The following MACROD2 variants were observed in gnomAD, a reference collection of about 807,000 sequenced individuals.
The protein encoded by MACROD2 is ADP-ribose glycohydrolase MACROD2.
MACROD2 carries 36 observed loss-of-function variants against 70.4 expected under a neutral mutation model. The ratio of observed to expected loss-of-function variants is 0.51; its 90% CI spans 0.39 to 0.68. The LOEUF (loss-of-function observed/expected upper bound fraction) is 0.68. Among genes scored for constraint, MACROD2 ranks in the 30% least tolerant of loss-of-function variants. MACROD2 has a pLI of 0.00. For missense variants in MACROD2, 496 were observed against 538.4 expected, an observed-to-expected ratio of 0.92 and a Z score of 0.78; for synonymous variants, 172 against 178.8, an observed-to-expected ratio of 0.96 and a Z score of 0.30.
chr20:16,044,751 G>A (rs1268980558), intron 17 of MACROD2, 112 bp downstream of exon 17: 1 of 909,886 alleles, frequency 1.1e-6, no homozygotes, highest in African/African-American at 1.7e-5. Context: ...GCATGGCTTG[G>A]GATAAACCTT....
intron 8 of MACROD2, among the ~76,000 whole-genome samples, chr20:15,749,084 A>T (rs1600838989): frequency 6.6e-6 from 1 of 152,122 alleles, no homozygotes; most frequent in African/African-American, 2.4e-5. Context: ...TGACATTTTT[A>T]TATGTTCTTG....
intron 5 of MACROD2, among the ~76,000 whole-genome samples, chr20:14,937,094 AGGT>A (rs1187556179): frequency 6.6e-6 from 1 of 152,166 alleles, no homozygotes; most frequent in African/African-American, 2.4e-5. Context: ...AGGTAGAAGA[AGGT>A]GGTCGGGACC....
intron 8 of MACROD2, among the ~76,000 whole-genome samples, chr20:15,638,860 T>A (rs888663429): frequency 1.3e-5 from 2 of 152,208 alleles, no homozygotes; most frequent in Non-Finnish European, 2.9e-5. Flanking sequence ...GACATTTTTA[T>A]GATTATTTGG....
chr20:14,791,227 C>T (rs1000508242), intron 5 of MACROD2, among the ~76,000 whole-genome samples: 2 of 152,056 alleles, frequency 1.3e-5, no homozygotes, highest in African/African-American at 4.8e-5. Context: ...AATCATGCAT[C>T]TAGACATTTG....
At chr20:16,008,047 T>C (rs1421370468) in intron 15 of MACROD2, among the ~76,000 whole-genome samples, 1 of 152,188 alleles carries the variant, frequency 6.6e-6, no homozygotes, top group Non-Finnish European at 1.5e-5. Flanking sequence ...CTCACTATCT[T>C]TCGCAGGAGT....
chr20:14,059,163 A>T (rs2053664746), intron 2 of MACROD2, among the ~76,000 whole-genome samples: 1 of 152,210 alleles, frequency 6.6e-6, no homozygotes, highest in Admixed American at 6.5e-5. Context: ...GAAACAATTT[A>T]ACTTCTCCCA....
intron 3 of MACROD2, among the ~76,000 whole-genome samples, chr20:14,220,063 A>C (rs1355930743): frequency 6.6e-6 from 1 of 152,046 alleles, no homozygotes; most frequent in Non-Finnish European, 1.5e-5. Context: ...TATGGGGAGG[A>C]ACCAGTGGTG....
chr20:15,155,681 T>C (rs1870958309), intron 5 of MACROD2, among the ~76,000 whole-genome samples: 1 of 152,110 alleles, frequency 6.6e-6, no homozygotes, highest in African/African-American at 2.4e-5. Flanking sequence ...GTAGGAACAG[T>C]GGTTTTATCA....
intron 15 of MACROD2, among the ~76,000 whole-genome samples, chr20:16,024,336 C>T (rs1280866475): frequency 6.6e-6 from 1 of 152,130 alleles, no homozygotes; most frequent in Non-Finnish European, 1.5e-5. Flanking sequence ...GGCTATTGAT[C>T]ATTCTATTCA....
chr20:14,695,270 T>C (rs960392966), intron 5 of MACROD2, among the ~76,000 whole-genome samples: 2 of 152,124 alleles, frequency 1.3e-5, no homozygotes, highest in South Asian at 2.1e-4. Context: ...TTTCTTGGCT[T>C]GTGGCAACAT....
At position 14,205,088 on chromosome 20, in the gene MACROD2, G is replaced by C. The variant is rs191822126; in HGVS notation, c.271+119360G>C. Among the ~76,000 whole-genome samples the C allele has an allele frequency of 2.8e-3, 429 of 152,242 alleles. 8 individuals carry two copies. The highest frequency in any genetic ancestry group is 0.027 in the Admixed American group (413 of 15,296). ...AAAATCTCAGGGAAAAGATAGATTTGATCAAATATCTGGAACAGGAACCCT... is the reference window on the plus strand; with the variant it reads ...AAAATCTCAGGGAAAAGATAGATTTCATCAAATATCTGGAACAGGAACCCT... On this transcript the variant is annotated intron_variant, in intron 3 of 17. Transcript: ENST00000684519.
intron 5 of MACROD2, among the ~76,000 whole-genome samples, chr20:15,076,512 A>G (rs2075659273): frequency 6.6e-6 from 1 of 152,112 alleles, no homozygotes; most frequent in African/African-American, 2.4e-5. Context: ...ATGGTTTCTA[A>G]GTATTACTGT....
At chr20:15,160,563 C>T (rs1308466042) in intron 5 of MACROD2, among the ~76,000 whole-genome samples, 1 of 151,968 alleles carries the variant, frequency 6.6e-6, no homozygotes, top group Non-Finnish European at 1.5e-5. Flanking sequence ...AATTAATGAC[C>T]TCCTATTCTA....
At chr20:15,778,625 A>G (rs1476748152) in intron 8 of MACROD2, among the ~76,000 whole-genome samples, 1 of 151,950 alleles carries the variant, frequency 6.6e-6, no homozygotes, top group Non-Finnish European at 1.5e-5. Context: ...TTAGTAAAAG[A>G]TCTTTGAACC....
chr20:15,464,132 T>A (rs2046854854), intron 7 of MACROD2, among the ~76,000 whole-genome samples: 4 of 152,168 alleles, frequency 2.6e-5, no homozygotes, highest in African/African-American at 9.6e-5. Context: ...CACTGCAACC[T>A]TGAGCTCCTA....
chr20:14,940,530 G>A (rs557857986), intron 5 of MACROD2, among the ~76,000 whole-genome samples: 2 of 152,302 alleles, frequency 1.3e-5, no homozygotes, highest in African/African-American at 4.8e-5. Flanking sequence ...AATGGTAGCT[G>A]TGGGTTTTGT....
At chr20:14,530,583 A>G (rs1196100972) in intron 4 of MACROD2, among the ~76,000 whole-genome samples, 1 of 152,200 alleles carries the variant, frequency 6.6e-6, no homozygotes, top group Non-Finnish European at 1.5e-5. Context: ...TCTTATCTGC[A>G]GGATTTGTAT....
In MACROD2 at chr20:15,307,666, T is replaced by C. The variant is rs371348365; in HGVS notation, c.540+77605T>C. Among the ~76,000 whole-genome samples the C allele has an allele frequency of 5.9e-5, 9 of 152,346 alleles. No homozygotes were observed. The East Asian group carries it at 1.3e-3, about 23-fold the overall frequency. The stretch of plus-strand genomic sequence containing the variant: ...ACTGTAGTTTAATTATTAACATTAA[T>C]AATAGTAATCTTATCTAATTTATGC... On this transcript the variant is annotated intron_variant, in intron 6 of 17. Coordinates refer to ENST00000684519, the MANE Select transcript of MACROD2 (RefSeq NM_001351661.2).
rs56752104 is a variant in MACROD2, at chr20:15,206,721, G to GTTTTTTTTTTTTTTTTTTTTTTTTTTTTT, written c.419-23193_419-23192insTTTTTTTTTTTTTTTTTTTTTTTTTTTTT. ...GCATGAAGTCTTTCATATTATCTAT[G>GTTTTTTTTTTTTTTTTTTTTTTTTTTTTT]TTTTTTTTTTTTTTTTTTTTTTTTT... On this transcript the variant is annotated intron_variant, in intron 5 of 17. Transcript: ENST00000684519. Among the ~76,000 whole-genome samples, 37 of 33,002 alleles carry GTTTTTTTTTTTTTTTTTTTTTTTTTTTTT rather than the reference G, an allele frequency of 1.1e-3. 13 individuals are homozygous for GTTTTTTTTTTTTTTTTTTTTTTTTTTTTT. Among genetic ancestry groups the GTTTTTTTTTTTTTTTTTTTTTTTTTTTTT allele is most frequent in the African/African-American group, 1.5e-3 (10 of 6,546 alleles). 21.7% of individuals were successfully genotyped at this position (33,002 alleles called of 152,430 possible).
Sources: gnomAD v4.1 joint callset for allele counts (sites outside exome capture counted in the v4.1 genomes callset) on GRCh38, gnomAD v4.1.1 for gene constraint, MANE v1.5 for transcripts, NCBI Gene and HGNC (gene_info 2026-07-23, HGNC 2026-07-21) for gene names.